FSTL5: variants seen among roughly 807,000 people sequenced by gnomAD.
FSTL5 encodes the protein follistatin-related protein 5.
Under a neutral mutation model 89.1 loss-of-function variants are expected in FSTL5, and 62 were observed. The ratio of observed to expected loss-of-function variants is 0.70; its 90% confidence interval spans 0.57 to 0.86. FSTL5 has a LOEUF of 0.86. FSTL5 is among the 40% of genes least tolerant of loss of function. The probability of loss-of-function intolerance (pLI) is 0.00; values close to 1 mark genes in which losing one functional copy is unlikely to be tolerated. For missense variants in FSTL5, 1,057 were observed against 1,001.6 expected (o/e 1.06, Z -0.75); for synonymous variants, 383 against 346.2 (o/e 1.11, Z -1.18).
intron 6 of FSTL5, among the ~76,000 whole-genome samples, chr4:161,686,617 C>A (rs1234110325): frequency 2.0e-5 from 3 of 151,530 alleles, no homozygotes; most frequent in African/African-American, 7.3e-5. Flanking sequence ...ACCTTGGCCT[C>A]CCAAAGTGGA....
At chr4:161,635,129 C>A (rs1735641268) in intron 7 of FSTL5, among the ~76,000 whole-genome samples, 1 of 152,158 alleles carries the variant, frequency 6.6e-6, no homozygotes, top group Admixed American at 6.5e-5. Context: ...TGGCTCACCC[C>A]TGTAATCCCA....
chr4:161,765,842 C>T (rs1272518945), intron 5 of FSTL5, among the ~76,000 whole-genome samples: 1 of 150,518 alleles, frequency 6.6e-6, no homozygotes, highest in African/African-American at 2.5e-5. Context: ...GTCACCCTGG[C>T]TAGAGTACTG....
intron 7 of FSTL5, among the ~76,000 whole-genome samples, chr4:161,632,447 C>G (rs1389102758): frequency 6.6e-6 from 1 of 152,076 alleles, no homozygotes; most frequent in Non-Finnish European, 1.5e-5. Context: ...GGCAATAATA[C>G]ATTTAGACAT....
chr4:161,520,370 A>G (rs1178172870), intron 10 of FSTL5, among the ~76,000 whole-genome samples: 1 of 151,594 alleles, frequency 6.6e-6, no homozygotes, highest in East Asian at 1.9e-4. Context: ...TATTTATAAT[A>G]TAAAATAAAA....
chr4:161,936,025 A>G (rs1734422562), intron 3 of FSTL5, among the ~76,000 whole-genome samples: 2 of 152,164 alleles, frequency 1.3e-5, no homozygotes, highest in South Asian at 4.1e-4. Context: ...TCTACTAAAA[A>G]TACAAACATT....
chr4:161,516,876 A>C (rs17041155), intron 10 of FSTL5, among the ~76,000 whole-genome samples: 29,276 of 151,234 alleles, frequency 0.19, 3,077 homozygotes, highest in East Asian at 0.37. Context: ...ATTTTAAGGG[A>C]TATCCTTACC....
chr4:162,047,448 T>C lies in FSTL5; in HGVS notation c.127-13790A>G, dbSNP rs551423916. The stretch of plus-strand genomic sequence containing the variant: ...AGGGTTCATGGAGCTCTCCAGGGGA[T>C]GACGGTTGTGCCATGCAGAGCAGCA... On this transcript the variant is annotated intron_variant, in intron 2 of 15. Transcript: ENST00000306100. The C allele has an allele frequency of 3.3e-5, 5 of 152,222 alleles. No individual in the cohort carries two copies. In the South Asian group the frequency reaches 1.0e-3, roughly 32 times the overall value. The allele number at this position is 152,222 out of a possible 1,614,324, so 9.4% of individuals were successfully genotyped here.
intron 15 of FSTL5, among the ~76,000 whole-genome samples, chr4:161,402,191 G>GATGCATCATTTGCAACAA (rs1196968195): frequency 6.6e-6 from 1 of 152,064 alleles, no homozygotes; most frequent in African/African-American, 2.4e-5. Context: ...ACACACTTCA[G>GATGCATCATTTGCAACAA]ATGCATCATT....
At chr4:161,798,017 G>T (rs903785205) in intron 4 of FSTL5, among the ~76,000 whole-genome samples, 1 of 151,558 alleles carries the variant, frequency 6.6e-6, no homozygotes, top group Non-Finnish European at 1.5e-5. Context: ...TTTATCCCAT[G>T]CTGTGTTTGA....
chr4:161,955,375 A>C (rs1237473713), intron 3 of FSTL5, among the ~76,000 whole-genome samples: 1 of 151,728 alleles, frequency 6.6e-6, no homozygotes, highest in Non-Finnish European at 1.5e-5. Context: ...ATAACAAAAG[A>C]ATAACTCCAA....
intron 3 of FSTL5, among the ~76,000 whole-genome samples, chr4:161,936,698 C>A (rs1734441911): frequency 6.6e-6 from 1 of 152,068 alleles, no homozygotes; most frequent in South Asian, 2.1e-4. Flanking sequence ...CTCCCTTATG[C>A]AATCCTGGTA....
At chr4:162,014,232 T>C (rs899058879) in intron 3 of FSTL5, among the ~76,000 whole-genome samples, 3 of 152,232 alleles carry the variant, frequency 2.0e-5, no homozygotes, top group Non-Finnish European at 4.4e-5. Context: ...TACCTACCAC[T>C]TAGATTTTAA....
rs1199451296 is a variant in FSTL5, at chr4:161,805,421, T to C, written c.410-29347A>G. 2.0e-5 allele frequency among the ~76,000 whole-genome samples: 3 copies of C among 152,100 alleles called. No homozygotes were observed. The South Asian group carries it at 6.2e-4, about 31-fold the overall frequency. Reference sequence around the variant, plus strand: ...TTTCAGATAAGAGAAATGTTTGTCATAGAGAGGAGAATGGTATGGTAATAG... The same window carrying C: ...TTTCAGATAAGAGAAATGTTTGTCACAGAGAGGAGAATGGTATGGTAATAG... On this transcript the variant is annotated intron_variant, in intron 4 of 15. Coordinates refer to ENST00000306100, the MANE Select transcript of FSTL5 (RefSeq NM_020116.5).
intron 3 of FSTL5, among the ~76,000 whole-genome samples, chr4:161,953,484 T>C (rs1457193847): frequency 6.6e-6 from 1 of 151,710 alleles, no homozygotes; most frequent in East Asian, 1.9e-4. Context: ...TTCATGCATA[T>C]AGAAGATACA....
chr4:162,013,924 A>G (rs143948172), intron 3 of FSTL5, among the ~76,000 whole-genome samples: 14 of 152,244 alleles, frequency 9.2e-5, no homozygotes, highest in African/African-American at 3.4e-4. Context: ...GGTGCTAAAC[A>G]TCCTGGATTT....
chr4:161,744,275 G>T (rs1408640852), intron 6 of FSTL5, among the ~76,000 whole-genome samples: 1 of 152,004 alleles, frequency 6.6e-6, no homozygotes, highest in Non-Finnish European at 1.5e-5. Context: ...CACCACAAAT[G>T]TATGATTATG....
At chr4:161,942,169 A>C (rs913097129) in intron 3 of FSTL5, among the ~76,000 whole-genome samples, 1 of 151,940 alleles carries the variant, frequency 6.6e-6, no homozygotes, top group Admixed American at 6.6e-5. Context: ...AAATGCCTAC[A>C]TTAAAAAGAA....
In FSTL5 at chr4:161,665,896, G is replaced by A. The variant is rs116778286; in HGVS notation, c.728-9402C>T. 5.9e-3 allele frequency among the ~76,000 whole-genome samples: 899 copies of A among 151,718 alleles called. 6 individuals are homozygous for A. Among genetic ancestry groups the A allele is most frequent in the African/African-American group, 0.02 (831 of 41,276 alleles). ...AAAAGAAGATGAAGAAGAAGAAGAAGAAAAAGCATTTAAATATGAATGTTA... is the reference window on the plus strand; with the variant it reads ...AAAAGAAGATGAAGAAGAAGAAGAAAAAAAAGCATTTAAATATGAATGTTA... On this transcript the variant is annotated intron_variant, in intron 6 of 15. Transcript: ENST00000306100.
At chr4:161,963,879 T>C (rs1463350887) in intron 3 of FSTL5, among the ~76,000 whole-genome samples, 1 of 151,974 alleles carries the variant, frequency 6.6e-6, no homozygotes, top group East Asian at 1.9e-4. Flanking sequence ...TCTGAATCTA[T>C]GAAAATACTT....
Sources: allele counts gnomAD v4.1 joint callset (sites outside exome capture counted in the v4.1 genomes callset), GRCh38; gene constraint gnomAD v4.1.1; transcripts MANE v1.5; gene names NCBI Gene and HGNC (gene_info 2026-07-23, HGNC 2026-07-21).